Variants in SPATA13 observed in about 807,000 individuals in gnomAD.
The protein encoded by SPATA13 is spermatogenesis associated 13.
In SPATA13, 50 loss-of-function variants were observed where a neutral mutation model predicts 104.0. The observed-to-expected ratio is 0.48, with a 90% CI of 0.38 to 0.61. The LOEUF (loss-of-function observed/expected upper bound fraction) is 0.61, where lower values mean the gene tolerates loss of function less well. SPATA13 is among the 20% of genes least tolerant of loss of function. SPATA13 has a pLI of 0.00. For synonymous variants in SPATA13, 606 were observed against 667.5 expected (o/e 0.91, Z 1.42); for missense variants, 1,524 against 1,690.6 (o/e 0.90, Z 1.73).
At chr13:24,227,664 A>G (rs1443011061) in intron 2 of SPATA13, among the ~76,000 whole-genome samples, 2 of 151,982 alleles carry the variant, frequency 1.3e-5, no homozygotes, top group Admixed American at 6.6e-5. Flanking sequence ...TTTGCCTCAC[A>G]AGTTTAAGCA....
At chr13:24,099,898 T>C (rs897659867) in intron 3 of SPATA13, among the ~76,000 whole-genome samples, 1 of 152,124 alleles carries the variant, frequency 6.6e-6, no homozygotes, top group African/African-American at 2.4e-5. Context: ...AACACTTGGA[T>C]GAAAAGCTAC....
chr13:24,024,099 C>G (rs2147992), intron 3 of SPATA13, among the ~76,000 whole-genome samples: 81,583 of 151,924 alleles, frequency 0.54, 22,070 homozygotes, highest in Middle Eastern at 0.57. Flanking sequence ...TCATGTGCTG[C>G]GGAGGTCAGT....
chr13:24,116,844 G>A (rs1880863080), intron 3 of SPATA13, among the ~76,000 whole-genome samples: 1 of 152,004 alleles, frequency 6.6e-6, no homozygotes, highest in African/African-American at 2.4e-5. Context: ...AGATCATGAG[G>A]GTGGGACTCT....
intron 2 of SPATA13, among the ~76,000 whole-genome samples, chr13:24,235,797 G>A (rs1390144664): frequency 1.1e-4 from 17 of 152,198 alleles, no homozygotes; most frequent in Admixed American, 9.8e-4. Context: ...GTTGAGCAGT[G>A]TAAGTCTAGC....
rs1882489361 is a variant in SPATA13, at chr13:24,161,467, T to C, written c.-112+535T>C. On this transcript the variant is annotated intron_variant, in intron 1 of 12. Coordinates refer to ENST00000382108, the MANE Select transcript of SPATA13 (RefSeq NM_001166271.3). This position sits in a 1 kb window ranked among gnomAD's most constrained non-coding sequence, Gnocchi z 4.5. ...GCGGAGTCTCGTCCCAGGGGAAAGA[T>C]TTTGGGACCCGGTGCCCATCGTCTG... 6.6e-6 allele frequency among the ~76,000 whole-genome samples: 1 copy of C among 152,116 alleles called. No homozygotes were observed. The highest frequency in any genetic ancestry group is 6.5e-5 in the Admixed American group (1 of 15,284).
intron 2 of SPATA13, among the ~76,000 whole-genome samples, chr13:23,998,489 T>A (rs1875798757): frequency 6.6e-6 from 1 of 152,220 alleles, no homozygotes; most frequent in Non-Finnish European, 1.5e-5. Context: ...ATCAGATATG[T>A]GGTTTACAAA....
rs139172142 is a variant in SPATA13 at position 24,128,548 on chromosome 13, G to A, written c.-111-94271G>A. Among the ~76,000 whole-genome samples the A allele has an allele frequency of 3.3e-3, 501 of 152,126 alleles. 2 individuals carry two copies. The highest frequency in any genetic ancestry group is 2.6e-3 in the Non-Finnish European group (180 of 67,988). ...CTTCTCAGGCCTCAGGTAGCTTTCT[G>A]AGAATAGCCTGTCTTTCGGCATCCC... On this transcript the variant is annotated intron_variant, in intron 3 of 14. Coordinates refer to the SPATA13 transcript ENST00000424834.
At chr13:23,990,721 A>G (rs1875372402) in intron 2 of SPATA13, among the ~76,000 whole-genome samples, 1 of 152,236 alleles carries the variant, frequency 6.6e-6, no homozygotes, top group African/African-American at 2.4e-5. Context: ...AGGGAGCAGG[A>G]TCACATCTAC....
intron 2 of SPATA13, among the ~76,000 whole-genome samples, chr13:23,998,928 G>GTTT (rs10649768): frequency 1.4e-5 from 2 of 147,366 alleles, no homozygotes; most frequent in South Asian, 2.1e-4. Flanking sequence ...ACTAACTTTG[G>GTTT]TTTTTTTTTT....
intron 3 of SPATA13, chr13:24,034,708 A>G (rs1220078371): frequency 6.6e-6 from 1 of 152,254 alleles, no homozygotes; most frequent in Non-Finnish European, 1.5e-5. Flanking sequence ...CATAGCTGCC[A>G]GTGGGTACGG....
At chr13:24,038,056 C>T (rs1245777568) in intron 3 of SPATA13, among the ~76,000 whole-genome samples, 11 of 151,970 alleles carry the variant, frequency 7.2e-5, no homozygotes, top group African/African-American at 1.2e-4. Context: ...GGATTATAGG[C>T]GCCTGCCACC....
chr13:24,148,874 T>C (rs1408473586), intron 3 of SPATA13, among the ~76,000 whole-genome samples: 1 of 152,104 alleles, frequency 6.6e-6, no homozygotes, highest in Non-Finnish European at 1.5e-5. Context: ...TGCTGTTCAT[T>C]CTGGTAGAGC....
intron 1 of SPATA13, among the ~76,000 whole-genome samples, chr13:24,176,652 T>C (rs1396810783): frequency 6.6e-6 from 1 of 152,210 alleles, no homozygotes; most frequent in Non-Finnish European, 1.5e-5. Flanking sequence ...ACCTTGGACC[T>C]GTTTCATTGA....
intron 4 of SPATA13, among the ~76,000 whole-genome samples, chr13:24,252,261 C>T (rs1873536928): frequency 6.6e-6 from 1 of 152,150 alleles, no homozygotes; most frequent in South Asian, 2.1e-4. Flanking sequence ...GTTCCTTGGC[C>T]TGTAGGAGCA....
intron 4 of SPATA13, among the ~76,000 whole-genome samples, chr13:24,255,915 C>T (rs149670434): frequency 1.7e-4 from 26 of 152,168 alleles, no homozygotes; most frequent in Non-Finnish European, 2.9e-4. Context: ...TATTTGGCAA[C>T]ATGAAGGAAT....
chr13:24,174,959 T>G (rs991990838), intron 1 of SPATA13, among the ~76,000 whole-genome samples: 1 of 152,240 alleles, frequency 6.6e-6, no homozygotes, highest in Non-Finnish European at 1.5e-5. Flanking sequence ...GTTTGGAGAT[T>G]TTTTTGTTAA....
intron 3 of SPATA13, among the ~76,000 whole-genome samples, chr13:24,251,021 A>C (rs1046811631): frequency 6.6e-6 from 1 of 152,260 alleles, no homozygotes; most frequent in Non-Finnish European, 1.5e-5. Flanking sequence ...AATAAACAAA[A>C]GAAGAAAAAA....
chr13:24,213,142 G>A (rs569532225), intron 1 of SPATA13, among the ~76,000 whole-genome samples: 3 of 152,244 alleles, frequency 2.0e-5, no homozygotes, highest in African/African-American at 7.2e-5. Context: ...GTGACTGCTT[G>A]TATTAAGGAA....
chr13:24,007,022 G>A (rs1876263704), intron 2 of SPATA13, among the ~76,000 whole-genome samples: 1 of 152,088 alleles, frequency 6.6e-6, no homozygotes, highest in Non-Finnish European at 1.5e-5. Flanking sequence ...CTTTCCTCTA[G>A]GATGCAGTCT....
Sources: allele counts gnomAD v4.1 joint callset (sites outside exome capture counted in the v4.1 genomes callset), GRCh38; gene constraint gnomAD v4.1.1; non-coding constraint Gnocchi (gnomAD v3.1); transcripts MANE v1.5; gene names NCBI Gene and HGNC (gene_info 2026-07-23, HGNC 2026-07-21).